Variants in GNAQ observed in about 807,000 individuals in gnomAD.
GNAQ encodes the protein guanine nucleotide-binding protein G(q) subunit alpha.
In GNAQ, 8 loss-of-function variants were observed where a neutral mutation model predicts 43.9. The observed-to-expected ratio is 0.18, with a 90% CI of 0.11 to 0.33. The LOEUF (loss-of-function observed/expected upper bound fraction) is 0.33. GNAQ is among the 10% of genes least tolerant of loss of function. GNAQ has a pLI of 1.00. For synonymous variants in GNAQ, 155 were observed against 170.7 expected, an observed-to-expected ratio of 0.91 and a Z score of 0.71; for missense variants, 158 against 450.8, an observed-to-expected ratio of 0.35 and a Z score of 5.88.
intron 2 of GNAQ, among the ~76,000 whole-genome samples, chr9:77,910,935 T>C (rs62573074): frequency 1.3e-5 from 2 of 152,218 alleles, no homozygotes; most frequent in African/African-American, 4.8e-5. Context: ...TGTTCTTGTG[T>C]GTATACCACA....
intron 5 of GNAQ, among the ~76,000 whole-genome samples, chr9:77,768,454 T>G (rs551102515): frequency 6.6e-6 from 1 of 152,290 alleles, no homozygotes; most frequent in East Asian, 1.9e-4. Flanking sequence ...TGTCTCCACC[T>G]AAGCTTGATG....
At chr9:78,026,296 A>T (rs921491783) in intron 1 of GNAQ, among the ~76,000 whole-genome samples, 1 of 152,208 alleles carries the variant, frequency 6.6e-6, no homozygotes, top group African/African-American at 2.4e-5. Flanking sequence ...GAATCTACGT[A>T]GTTCAATGCA....
intron 1 of GNAQ, among the ~76,000 whole-genome samples, chr9:78,001,106 A>C (rs1223784430): frequency 6.6e-6 from 1 of 152,178 alleles, no homozygotes; most frequent in Non-Finnish European, 1.5e-5. Flanking sequence ...TTTTGGTAAG[A>C]AATAGAAAGG....
At chr9:77,860,632 G>A (rs1827833295) in intron 2 of GNAQ, among the ~76,000 whole-genome samples, 1 of 152,214 alleles carries the variant, frequency 6.6e-6, no homozygotes, top group Non-Finnish European at 1.5e-5. Flanking sequence ...TGATCTGACA[G>A]GAGGCGAAGC....
chr9:77,910,360 C>T (rs966286758), intron 2 of GNAQ, among the ~76,000 whole-genome samples: 1 of 152,102 alleles, frequency 6.6e-6, no homozygotes, highest in African/African-American at 2.4e-5. Context: ...TTAAAATTAA[C>T]AAGGGAAAAC....
intron 2 of GNAQ, among the ~76,000 whole-genome samples, chr9:77,824,313 G>T (rs1330643020): frequency 6.6e-6 from 1 of 152,092 alleles, no homozygotes; most frequent in East Asian, 1.9e-4. Flanking sequence ...CAGATACTTG[G>T]TAAGCTTAGA....
chr9:77,940,181 G>GA (rs1322070802), intron 1 of GNAQ, among the ~76,000 whole-genome samples: 2 of 152,180 alleles, frequency 1.3e-5, no homozygotes, highest in East Asian at 3.9e-4. Flanking sequence ...ATAGGGCATG[G>GA]AAAAAATCTG....
intron 5 of GNAQ, among the ~76,000 whole-genome samples, chr9:77,744,188 T>C (rs1410003295): frequency 6.6e-6 from 1 of 152,190 alleles, no homozygotes; most frequent in East Asian, 1.9e-4. Flanking sequence ...TTGCAGTTAG[T>C]GGCCTTGCTG....
At chr9:77,935,736 G>A (rs1217523899) in intron 1 of GNAQ, among the ~76,000 whole-genome samples, 2 of 152,052 alleles carry the variant, frequency 1.3e-5, no homozygotes, top group Non-Finnish European at 2.9e-5. Context: ...TTTAAATTTT[G>A]TCCTCTAATT....
intron 2 of GNAQ, among the ~76,000 whole-genome samples, chr9:77,850,008 G>C (rs1827647318): frequency 6.6e-6 from 1 of 152,138 alleles, no homozygotes; most frequent in African/African-American, 2.4e-5. Context: ...GTGATTTTCT[G>C]ATACTACTTT....
chr9:77,910,809 C>T (rs1362225692), intron 2 of GNAQ, among the ~76,000 whole-genome samples: 1 of 152,136 alleles, frequency 6.6e-6, no homozygotes, highest in Admixed American at 6.5e-5. Flanking sequence ...ATTAGAATCA[C>T]CACTATTTTA....
intron 5 of GNAQ, among the ~76,000 whole-genome samples, chr9:77,735,063 G>C (rs1289995263): frequency 8.5e-5 from 13 of 152,062 alleles, no homozygotes; most frequent in Middle Eastern, 3.4e-3. Context: ...ATTTTTATTG[G>C]CACCACTTCT....
At chr9:77,797,468 T>A in intron 4 of GNAQ, 52 bp downstream of exon 4, 1 of 1,414,772 alleles carries the variant, frequency 7.1e-7, no homozygotes, top group Non-Finnish European at 1.0e-6. Flanking sequence ...GTTTACCAAA[T>A]GTACTCAAGG....
At chr9:77,822,927 G>C (rs1278029963) in intron 2 of GNAQ, among the ~76,000 whole-genome samples, 1 of 151,564 alleles carries the variant, frequency 6.6e-6, no homozygotes, top group Non-Finnish European at 1.5e-5. Flanking sequence ...GAAGCATTTA[G>C]AAGTTGTTTT....
At chr9:77,921,051 A>G (rs1042230034) in intron 2 of GNAQ, among the ~76,000 whole-genome samples, 1 of 152,200 alleles carries the variant, frequency 6.6e-6, no homozygotes, top group African/African-American at 2.4e-5. Context: ...AGATTTATCA[A>G]AAGTACTGAG....
intron 2 of GNAQ, among the ~76,000 whole-genome samples, chr9:77,823,107 T>C (rs920433107): frequency 6.6e-6 from 1 of 151,880 alleles, no homozygotes; most frequent in Non-Finnish European, 1.5e-5. Flanking sequence ...GCCCGGCTAA[T>C]TTTTTGTATT....
chr9:77,919,956 T>G (rs111483919), intron 2 of GNAQ, among the ~76,000 whole-genome samples: 6,769 of 152,106 alleles, frequency 0.045, 538 homozygotes, highest in African/African-American at 0.16. Context: ...CTGGTCAACA[T>G]GGTGAAACCC....
chr9:77,800,783 G>T (rs1826732444), intron 3 of GNAQ, among the ~76,000 whole-genome samples: 1 of 152,046 alleles, frequency 6.6e-6, no homozygotes. Flanking sequence ...AAATCAGATA[G>T]CTACTCTGTA....
At chr9:78,023,147 C>A (rs185322332) in intron 1 of GNAQ, among the ~76,000 whole-genome samples, 7 of 152,218 alleles carry the variant, frequency 4.6e-5, no homozygotes, top group African/African-American at 1.7e-4. Flanking sequence ...AATCTCAAGT[C>A]CCTGCCCTCT....
Sources: allele counts gnomAD v4.1 joint callset (sites outside exome capture counted in the v4.1 genomes callset), GRCh38; gene constraint gnomAD v4.1.1; transcripts MANE v1.5; gene names NCBI Gene and HGNC (gene_info 2026-07-23, HGNC 2026-07-21).